PRDM16: variants seen among roughly 807,000 people sequenced by gnomAD.
PRDM16 encodes PR/SET domain 16.
In PRDM16, 23 loss-of-function variants were observed where a neutral mutation model predicts 110.6. That is an observed-to-expected ratio of 0.21 (90% CI 0.15 to 0.29). The LOEUF (loss-of-function observed/expected upper bound fraction) is 0.29. PRDM16 is among the 10% of genes least tolerant of loss of function. The pLI is 1.00. For missense variants in PRDM16, 1,615 were observed against 1,794.3 expected (o/e 0.90, Z 1.81); for synonymous variants, 799 against 781.8 (o/e 1.02, Z -0.37).
intron 3 of PRDM16, among the ~76,000 whole-genome samples, chr1:3,326,128 A>T (rs1363040388): frequency 7.1e-6 from 1 of 141,208 alleles, no homozygotes; most frequent in African/African-American, 2.8e-5. Flanking sequence ...CTCGTTGGCC[A>T]TCCTCGACCA....
At chr1:3,125,350 G>T (rs2100670900) in intron 1 of PRDM16, among the ~76,000 whole-genome samples, 1 of 152,372 alleles carries the variant, frequency 6.6e-6, no homozygotes, top group East Asian at 1.9e-4. Flanking sequence ...GATGGGCAAA[G>T]AGGACGGTCC....
intron 1 of PRDM16, among the ~76,000 whole-genome samples, chr1:3,147,069 G>A (rs1643684723): frequency 1.5e-5 from 2 of 129,764 alleles, no homozygotes; most frequent in South Asian, 5.1e-4. Flanking sequence ...CTCAGTGTGG[G>A]GTGTGTGTAT....
At chr1:3,204,361 AT>A (rs1433641500) in intron 2 of PRDM16, among the ~76,000 whole-genome samples, 14 of 152,140 alleles carry the variant, frequency 9.2e-5, no homozygotes, top group African/African-American at 2.9e-4. Context: ...AGAAAAAAAA[AT>A]TGATTTGGAG....
At position 3,434,095 on chromosome 1, in the gene PRDM16, A is replaced by C; in HGVS notation, c.*284A>C. ...ACAGCCAACGGAGCTGCCTCGCAGA[A>C]TCAGCCAGTGGGCAGGTGGACGCTC... is the stretch of plus-strand genomic sequence containing the variant. On this transcript the variant is annotated 3_prime_UTR_variant, in exon 17 of 17. Coordinates refer to ENST00000270722, the MANE Select transcript of PRDM16 (RefSeq NM_022114.4). 1 of 394,694 alleles carries C rather than the reference A, an allele frequency of 2.5e-6. No individual in the cohort carries two copies. The highest frequency in any genetic ancestry group is 4.3e-5 in the East Asian group (1 of 23,260). 24.4% of individuals were successfully genotyped at this position (394,694 alleles called of 1,614,324 possible).
chr1:3,425,571 C>A lies in PRDM16; in HGVS notation c.2940-10C>A, dbSNP rs776168442. The A allele has an allele frequency of 1.9e-6, 3 of 1,612,956 alleles. No homozygotes were observed. The highest frequency in any genetic ancestry group is 1.1e-5 in the South Asian group (1 of 91,016). ...GGGCCTGCACTGAGGAGCGCGTGTG[C>A]CCCTTCCAGGTGTAAGTACTGCGAC... On this transcript the variant is annotated splice_polypyrimidine_tract_variant and intron_variant, in intron 12 of 16. Coordinates refer to ENST00000270722, the MANE Select transcript of PRDM16 (RefSeq NM_022114.4). The surrounding 1 kb of genome is among the most constrained non-coding windows in gnomAD (Gnocchi z 6.9).
At chr1:3,115,341 G>A (rs1453343531) in intron 1 of PRDM16, among the ~76,000 whole-genome samples, 1 of 152,248 alleles carries the variant, frequency 6.6e-6, no homozygotes, top group Admixed American at 6.5e-5. Context: ...GTCAGAAAGG[G>A]AGTGCAGGGG....
intron 3 of PRDM16, among the ~76,000 whole-genome samples, chr1:3,374,157 G>T (rs1169081577): frequency 1.3e-5 from 2 of 152,304 alleles, no homozygotes; most frequent in South Asian, 2.1e-4. Flanking sequence ...ACCGCCAGGG[G>T]CCAGGGCCGG....
intron 1 of PRDM16, among the ~76,000 whole-genome samples, chr1:3,180,418 G>A (rs1246516735): frequency 6.6e-5 from 10 of 152,170 alleles, no homozygotes; most frequent in African/African-American, 2.4e-4. Flanking sequence ...TGTAAGAAAC[G>A]CCGCGTAGAG....
intron 3 of PRDM16, among the ~76,000 whole-genome samples, chr1:3,248,679 C>T (rs992301191): frequency 2.0e-5 from 3 of 152,206 alleles, no homozygotes; most frequent in South Asian, 2.1e-4. Flanking sequence ...ATTATTATTA[C>T]GTACAAAATG....
At chr1:3,161,092 C>T (rs1433660900) in intron 1 of PRDM16, among the ~76,000 whole-genome samples, 1 of 152,202 alleles carries the variant, frequency 6.6e-6, no homozygotes, top group African/African-American at 2.4e-5. Context: ...CCACTCCCTG[C>T]CCCAGCCCTT....
intron 2 of PRDM16, among the ~76,000 whole-genome samples, chr1:3,233,847 T>G (rs1639475512): frequency 6.6e-6 from 1 of 151,914 alleles, no homozygotes; most frequent in Non-Finnish European, 1.5e-5. Context: ...TACCAACAGC[T>G]TTTTATATGC....
At chr1:3,169,853 G>A (rs1301414865) in intron 1 of PRDM16, among the ~76,000 whole-genome samples, 1 of 152,210 alleles carries the variant, frequency 6.6e-6, no homozygotes, top group Non-Finnish European at 1.5e-5. Context: ...TCGGGTCAGC[G>A]GCGAGCTAAC....
At chr1:3,139,927 G>C (rs759750181) in intron 1 of PRDM16, among the ~76,000 whole-genome samples, 1 of 152,258 alleles carries the variant, frequency 6.6e-6, no homozygotes, top group African/African-American at 2.4e-5. Context: ...GCCATGTGCC[G>C]TGACCTTGAG....
intron 12 of PRDM16, among the ~76,000 whole-genome samples, chr1:3,419,530 A>G (rs898905641): frequency 2.6e-5 from 4 of 152,142 alleles, no homozygotes; most frequent in South Asian, 2.1e-4. Context: ...GCCCCAGACA[A>G]TGGTAACTGG....
rs530974789 is a variant in PRDM16, at chr1:3,226,942, C to T, written c.388-17145C>T. Among the ~76,000 whole-genome samples, 67 of 152,340 alleles carry T rather than the reference C, an allele frequency of 4.4e-4. 1 individual carries two copies. The highest frequency in any genetic ancestry group is 1.9e-3 in the South Asian group (9 of 4,828). On this transcript the variant is annotated intron_variant, in intron 2 of 16. Coordinates refer to ENST00000270722, the MANE Select transcript of PRDM16 (RefSeq NM_022114.4). Reference sequence around the variant, plus strand: ...CCTCAAATTACTAATTACACAAATACAGTGTCTTTTGCTAATTGGATTGGT... The same window carrying T: ...CCTCAAATTACTAATTACACAAATATAGTGTCTTTTGCTAATTGGATTGGT...
At chr1:3,251,489 G>A (rs563262118) in intron 3 of PRDM16, among the ~76,000 whole-genome samples, 3 of 152,266 alleles carry the variant, frequency 2.0e-5, no homozygotes, top group South Asian at 2.1e-4. Flanking sequence ...GGAACCCAGC[G>A]ACCAGGGTAG....
At chr1:3,207,780 T>G (rs1169924719) in intron 2 of PRDM16, 3 of 152,254 alleles carry the variant, frequency 2.0e-5, no homozygotes, top group Admixed American at 2.0e-4. Flanking sequence ...TGCGCTCATC[T>G]GACTCCAAGG....
At chr1:3,146,913 T>TG (rs140458646) in intron 1 of PRDM16, among the ~76,000 whole-genome samples, 1,577 of 48,362 alleles carry the variant, frequency 0.033, 55 homozygotes, top group Admixed American at 0.043. Context: ...GTGCTCAGTG[T>TG]GGGGGGGTGT....
rs114401445 is a variant in PRDM16, at chr1:3,386,057, G to A, written c.573+771G>A. On this transcript the variant is annotated intron_variant, in intron 4 of 16. Transcript: ENST00000270722. ...ATGGATTTCTCTATTTCAAGCTTGCGAGTGGCCCCTGGAGGCCCTTCTCAC... is the reference window on the plus strand; with the variant it reads ...ATGGATTTCTCTATTTCAAGCTTGCAAGTGGCCCCTGGAGGCCCTTCTCAC... 8.0e-3 allele frequency among the ~76,000 whole-genome samples: 1,214 copies of A among 152,318 alleles called. 11 individuals carry two copies. Among genetic ancestry groups the A allele is most frequent in the African/African-American group, 0.028 (1,145 of 41,580 alleles).
Sources: allele counts gnomAD v4.1 joint callset (sites outside exome capture counted in the v4.1 genomes callset), GRCh38; gene constraint gnomAD v4.1.1; non-coding constraint Gnocchi (gnomAD v3.1); transcripts MANE v1.5; gene names NCBI Gene and HGNC (gene_info 2026-07-23, HGNC 2026-07-21).